The following LCP1 variants were observed in gnomAD, a reference collection of about 807,000 sequenced individuals.
LCP1 encodes plastin-2.
A neutral mutation model predicts 72.0 loss-of-function variants in LCP1; 23 were observed. The ratio of observed to expected loss-of-function variants is 0.32; its 90% CI spans 0.23 to 0.45. The LOEUF (loss-of-function observed/expected upper bound fraction) is 0.45. Among genes scored for constraint, LCP1 ranks in the 20% least tolerant of loss-of-function variants. The pLI, the probability that LCP1 is intolerant of heterozygous loss-of-function variation, is 1.00. For missense variants in LCP1, 571 were observed against 748.3 expected (o/e 0.76, Z 2.76); for synonymous variants, 245 against 275.4 (o/e 0.89, Z 1.09).
intron 13 of LCP1, among the ~76,000 whole-genome samples, chr13:46,139,830 T>C (rs1294555006): frequency 1.3e-5 from 2 of 152,244 alleles, no homozygotes; most frequent in African/African-American, 2.4e-5. Flanking sequence ...GTCAAGTTTA[T>C]ATTCAGTTCC....
chr13:46,143,299 A>G lies in LCP1; in HGVS notation c.1359T>C (p.Asn453=), dbSNP rs770693835. ...AACCATCATTGTTTACCTTCTTCAT[A>G]TTGCCTCCCAGTTTGGGGTATGGCG... ...NKPPYPKLGG[N]MKKLENCNYA... The change falls in exon 12 of 16, where the codon AAT becomes AAC. Residue 453 remains asparagine (N), a synonymous_variant. Transcript: ENST00000323076. 17 of 1,610,804 alleles carry G rather than the reference A, an allele frequency of 1.1e-5. No homozygotes were observed. The highest frequency in any genetic ancestry group is 1.4e-5 in the Non-Finnish European group (17 of 1,177,068).
At position 46,158,850 on chromosome 13, in the gene LCP1, C is replaced by T. The variant is rs2045820067; in HGVS notation, c.204G>A (p.Arg68=). The change falls in exon 3 of 16, where the codon AGG becomes AGA. Residue 68 remains arginine (R), a synonymous_variant. Coordinates refer to ENST00000323076, the MANE Select transcript of LCP1 (RefSeq NM_002298.5). ...CCTTGATAAACTCATCAAAGCTGAT[C>T]CTTCCATCTTGGTCCAGATCACCTG... ...MATGDLDQDG[R]ISFDEFIKIF... 6.2e-7 allele frequency: 1 copy of T among 1,614,140 alleles called. No individual in the cohort carries two copies. The highest frequency in any genetic ancestry group is 1.3e-5 in the African/African-American group (1 of 75,030).
chr13:46,163,403 C>A (rs6561298), intron 1 of LCP1, among the ~76,000 whole-genome samples: 5,450 of 151,852 alleles, frequency 0.036, 310 homozygotes, highest in African/African-American at 0.12. Context: ...AGGGCGGTGC[C>A]AGATGTGCTT....
chr13:46,178,452 A>G (rs1388372431), intron 1 of LCP1, among the ~76,000 whole-genome samples: 3 of 152,182 alleles, frequency 2.0e-5, no homozygotes, highest in African/African-American at 7.2e-5. Context: ...GGGGAACACC[A>G]CGGCCACAGC....
rs759151052 is a variant in LCP1 at position 46,147,012 on chromosome 13, C to T, written c.1070G>A (p.Arg357Gln). Residue 357 changes from arginine to glutamine, a missense_variant, in exon 10 of 16, where the codon CGA becomes CAA. Physicochemically the swap from Arg to Gln is conservative, Grantham distance 43. Coordinates refer to ENST00000323076, the MANE Select transcript of LCP1 (RefSeq NM_002298.5). ...RQFVTATDVV[R>Q]GNPKLNLAFI... ...AGCCAAGTTCAACTTGGGGTTCCCT[C>T]GGACAACATCTGTGGCTGTGACAAA... is the stretch of plus-strand genomic sequence containing the variant. The T allele has an allele frequency of 8.1e-6, 13 of 1,614,080 alleles. No individual in the cohort carries two copies. Among genetic ancestry groups the T allele is most frequent in the Non-Finnish European group, 1.1e-5 (13 of 1,180,010 alleles).
At chr13:46,163,542 G>T (rs1186532046) in intron 1 of LCP1, among the ~76,000 whole-genome samples, 1 of 149,816 alleles carries the variant, frequency 6.7e-6, no homozygotes, top group African/African-American at 2.5e-5. Context: ...AGACACCTTT[G>T]TTCACTTGTT....
At chr13:46,135,108 C>CA (rs11438431) in intron 13 of LCP1, among the ~76,000 whole-genome samples, 42,639 of 96,706 alleles carry the variant, frequency 0.44, 10,522 homozygotes, top group East Asian at 0.64. Flanking sequence ...GACTCTGTCT[C>CA]AAAAAAAAAA....
intron 1 of LCP1, among the ~76,000 whole-genome samples, chr13:46,173,679 G>T (rs572527125): frequency 1.1e-3 from 162 of 152,202 alleles, no homozygotes; most frequent in African/African-American, 3.6e-3. Context: ...GCTTATTTTG[G>T]CTTTGGTACC....
At chr13:46,173,311 GT>G (rs1466810138) in intron 1 of LCP1, among the ~76,000 whole-genome samples, 3 of 152,134 alleles carry the variant, frequency 2.0e-5, no homozygotes, top group Non-Finnish European at 4.4e-5. Context: ...TAAAGAAGGG[GT>G]GCTAATAATG....
chr13:46,148,304 A>G, intron 9 of LCP1, 48 bp downstream of exon 9: 1 of 1,362,924 alleles, frequency 7.3e-7, no homozygotes, highest in Admixed American at 1.7e-5. Context: ...AACTGCCAAC[A>G]TGAAAATAGC....
At chr13:46,175,017 A>G (rs1051260245) in intron 1 of LCP1, among the ~76,000 whole-genome samples, 1 of 152,166 alleles carries the variant, frequency 6.6e-6, no homozygotes, top group African/African-American at 2.4e-5. Flanking sequence ...CCAACATAAA[A>G]TGAGAGAGAG....
intron 6 of LCP1, 65 bp from the exon 7 acceptor site, chr13:46,153,010 G>T: frequency 6.9e-7 from 1 of 1,454,026 alleles, no homozygotes; most frequent in Non-Finnish European, 9.4e-7. Flanking sequence ...AATACCGATG[G>T]CAACAGTAAC....
At chr13:46,130,675 G>T in intron 15 of LCP1, 139 bp downstream of exon 15, 1 of 995,844 alleles carries the variant, frequency 1.0e-6, no homozygotes, top group Non-Finnish European at 1.5e-6. Context: ...TGATGAGACT[G>T]CAGAAAGTCA....
At position 46,158,604 on chromosome 13, in the gene LCP1, T is replaced by A. The variant is rs2138261664; in HGVS notation, c.276A>T (p.Lys92Asn). 6.2e-7 allele frequency: 1 copy of A among 1,614,228 alleles called. No individual in the cohort carries two copies. Among genetic ancestry groups the A allele is most frequent in the South Asian group, 1.1e-5 (1 of 91,078 alleles). ...KSTDVAKTFR[K>N]AINKKEGICA... ...AAATCCCTTCCTTCTTATTGATTGC[T>A]TTTCTAAAGGTCTTGGCAACATCTG... is the stretch of plus-strand genomic sequence containing the variant. The change falls in exon 4 of 16, where the codon AAA becomes AAT. Residue 92 changes from lysine to asparagine, a missense_variant. Lys to Asn is a moderately conservative substitution (Grantham distance 94). Transcript: ENST00000323076.
chr13:46,180,226 C>A (rs2045950005), intron 1 of LCP1, among the ~76,000 whole-genome samples: 7 of 152,182 alleles, frequency 4.6e-5, no homozygotes. Context: ...TAGCCCATTC[C>A]TTATCTCTAA....
intron 1 of LCP1, among the ~76,000 whole-genome samples, chr13:46,161,104 G>A (rs2045835493): frequency 6.6e-6 from 1 of 151,866 alleles, no homozygotes; most frequent in Non-Finnish European, 1.5e-5. Flanking sequence ...TATATCAGTG[G>A]TTTCAAACTT....
In LCP1 at chr13:46,159,671, G is replaced by T; in HGVS notation, c.-9C>A. On this transcript the variant is annotated 5_prime_UTR_variant, in exon 2 of 16. Transcript: ENST00000323076. ...ACTGATCCTCTGGCCATTTTTTATT[G>T]CTTTAGGTAACAGATCTGGAGAGAA... 6.2e-7 allele frequency: 1 copy of T among 1,611,626 alleles called. No individual in the cohort carries two copies. The highest frequency in any genetic ancestry group is 8.5e-7 in the Non-Finnish European group (1 of 1,177,900).
chr13:46,144,257 C>T (rs1430228551), intron 11 of LCP1, among the ~76,000 whole-genome samples, 185 bp downstream of exon 11: 1 of 152,188 alleles, frequency 6.6e-6, no homozygotes, highest in African/African-American at 2.4e-5. Context: ...CACAGTGAGA[C>T]TGATGTATGC....
At chr13:46,159,043 A>T in intron 2 of LCP1, 54 bp from the exon 3 acceptor site, 1 of 1,558,916 alleles carries the variant, frequency 6.4e-7, no homozygotes, top group South Asian at 1.1e-5. Context: ...AACAGCTTTT[A>T]GAGAGGTGAG....
Sources: gnomAD v4.1 joint callset for allele counts (sites outside exome capture counted in the v4.1 genomes callset) on GRCh38, gnomAD v4.1.1 for gene constraint, MANE v1.5 for transcripts, NCBI Gene and HGNC (gene_info 2026-07-23, HGNC 2026-07-21) for gene names.